The following TRDN variants were observed in gnomAD, a reference collection of about 807,000 sequenced individuals.
The protein encoded by TRDN is triadin in skeletal muscle.
A neutral mutation model predicts 149.7 loss-of-function variants in TRDN; 161 were observed. The observed-to-expected ratio is 1.08, with a 90% CI of 0.95 to 1.23. The LOEUF (loss-of-function observed/expected upper bound fraction) is 1.23. Among genes scored for constraint, TRDN ranks in the 50% most tolerant of loss-of-function variants. The probability of loss-of-function intolerance (pLI) is 0.00; values close to 1 mark genes in which losing one functional copy is unlikely to be tolerated. For missense variants in TRDN, 896 were observed against 823.5 expected, an observed-to-expected ratio of 1.09 and a Z score of -1.08; for synonymous variants, 294 against 250.5, an observed-to-expected ratio of 1.17 and a Z score of -1.64.
chr6:123,376,139 A>T (rs969401002), intron 18 of TRDN, among the ~76,000 whole-genome samples: 1 of 152,184 alleles, frequency 6.6e-6, no homozygotes, highest in Non-Finnish European at 1.5e-5. Flanking sequence ...AATATTAGAC[A>T]GTAATATTTA....
chr6:123,584,506 AGTT>A (rs1199561319), intron 1 of TRDN, among the ~76,000 whole-genome samples: 1 of 151,932 alleles, frequency 6.6e-6, no homozygotes, highest in Non-Finnish European at 1.5e-5. Context: ...GAAGGAAAGG[AGTT>A]GTTGTTTTGT....
chr6:123,448,899 C>T (rs1447125219), intron 10 of TRDN, among the ~76,000 whole-genome samples: 1 of 152,180 alleles, frequency 6.6e-6, no homozygotes, highest in Non-Finnish European at 1.5e-5. Context: ...TAACAGGACT[C>T]TGTGCAGACA....
intron 10 of TRDN, among the ~76,000 whole-genome samples, chr6:123,459,459 G>A (rs1776324836): frequency 6.6e-6 from 1 of 152,180 alleles, no homozygotes; most frequent in Non-Finnish European, 1.5e-5. Flanking sequence ...ACCTTCAGAT[G>A]TTCTGATTGG....
At chr6:123,389,381 A>G (rs946855817) in intron 13 of TRDN, 5 of 152,182 alleles carry the variant, frequency 3.3e-5, no homozygotes, top group African/African-American at 9.6e-5. Flanking sequence ...GCGGGATAGA[A>G]TGTTGGGGAT....
At chr6:123,493,000 T>C (rs542924038) in intron 9 of TRDN, among the ~76,000 whole-genome samples, 3 of 152,248 alleles carry the variant, frequency 2.0e-5, no homozygotes, top group East Asian at 3.9e-4. Flanking sequence ...ACACATCCTG[T>C]ATAACGCTGA....
intron 2 of TRDN, among the ~76,000 whole-genome samples, chr6:123,556,985 A>G (rs1043243676): frequency 6.6e-6 from 1 of 152,014 alleles, no homozygotes; most frequent in Non-Finnish European, 1.5e-5. Context: ...AACTGATGAC[A>G]TTACCTTGTG....
At chr6:123,479,349 G>A (rs1777642439) in intron 9 of TRDN, among the ~76,000 whole-genome samples, 1 of 152,114 alleles carries the variant, frequency 6.6e-6, no homozygotes, top group South Asian at 2.1e-4. Flanking sequence ...GTGGGAAAAA[G>A]TGAACTAAAG....
At chr6:123,322,344 A>G (rs1779271202) in intron 23 of TRDN, among the ~76,000 whole-genome samples, 1 of 152,098 alleles carries the variant, frequency 6.6e-6, no homozygotes, top group Non-Finnish European at 1.5e-5. Context: ...TTTGAAATTT[A>G]TTTCCTTTTT....
At chr6:123,482,075 T>A (rs567896030) in intron 9 of TRDN, among the ~76,000 whole-genome samples, 2 of 152,350 alleles carry the variant, frequency 1.3e-5, no homozygotes, top group South Asian at 2.1e-4. Context: ...GGAAAATGTC[T>A]TTCGTTTTTT....
At chr6:123,626,193 C>T (rs892513072) in intron 1 of TRDN, among the ~76,000 whole-genome samples, 2 of 151,964 alleles carry the variant, frequency 1.3e-5, no homozygotes, top group Non-Finnish European at 2.9e-5. Flanking sequence ...ATAGAAAGCA[C>T]CTCCTAGGCC....
At chr6:123,436,206 C>G (rs1020963083) in intron 12 of TRDN, among the ~76,000 whole-genome samples, 1 of 152,252 alleles carries the variant, frequency 6.6e-6, no homozygotes, top group East Asian at 1.9e-4. Context: ...TTTCACAAAT[C>G]CACTGCTCTA....
intron 7 of TRDN, among the ~76,000 whole-genome samples, chr6:123,510,645 T>G (rs1779129219): frequency 2.0e-4 from 1 of 5,086 alleles, no homozygotes; most frequent in Admixed American, 3.7e-3. Context: ...ATGACCACTT[T>G]TTTTTTTTTT....
chr6:123,479,196 C>G lies in TRDN; in HGVS notation c.854-14213G>C, dbSNP rs376611225. 3.4e-4 allele frequency among the ~76,000 whole-genome samples: 52 copies of G among 152,204 alleles called. No homozygotes were observed. The East Asian group carries it at 7.1e-3, about 21-fold the overall frequency. On this transcript the variant is annotated intron_variant, in intron 9 of 40. Coordinates refer to ENST00000334268, the MANE Select transcript of TRDN (RefSeq NM_006073.4). ...ATAGTACCAAAGATATACAACAAAA[C>G]TTTAACTTATATATTTGTGGTTTTT...
intron 9 of TRDN, chr6:123,471,082 G>T (rs1777124971): frequency 6.6e-6 from 1 of 152,316 alleles, no homozygotes; most frequent in Admixed American, 6.5e-5. Flanking sequence ...GACTTTCGGA[G>T]TAATGGGTAG....
chr6:123,425,205 G>A (rs1012542166), intron 12 of TRDN, among the ~76,000 whole-genome samples: 1 of 150,734 alleles, frequency 6.6e-6, no homozygotes, highest in Non-Finnish European at 1.5e-5. Flanking sequence ...GGAAAATACT[G>A]AGCATAGAGC....
intron 9 of TRDN, among the ~76,000 whole-genome samples, chr6:123,467,055 A>T (rs1299490005): frequency 6.6e-6 from 1 of 152,066 alleles, no homozygotes; most frequent in Non-Finnish European, 1.5e-5. Context: ...ATTTAAAACA[A>T]CTTTATTGCA....
intron 8 of TRDN, among the ~76,000 whole-genome samples, chr6:123,501,472 T>TA (rs1206764498): frequency 5.9e-5 from 9 of 151,798 alleles, no homozygotes; most frequent in East Asian, 3.9e-4. Context: ...CCTCAGAAAT[T>TA]AAAAAAAACT....
chr6:123,525,879 GA>G (rs1293489015), intron 5 of TRDN, among the ~76,000 whole-genome samples: 1 of 152,122 alleles, frequency 6.6e-6, no homozygotes, highest in African/African-American at 2.4e-5. Context: ...AAAGACAGTG[GA>G]ATAGGCCAAA....
chr6:123,287,623 CT>C (rs1196124199), intron 24 of TRDN, among the ~76,000 whole-genome samples: 1 of 152,078 alleles, frequency 6.6e-6, no homozygotes, highest in Non-Finnish European at 1.5e-5. Flanking sequence ...TTTCAGTCTA[CT>C]GAGACATCAA....
Sources: gnomAD v4.1 joint callset for allele counts (sites outside exome capture counted in the v4.1 genomes callset) on GRCh38, gnomAD v4.1.1 for gene constraint, MANE v1.5 for transcripts, NCBI Gene and HGNC (gene_info 2026-07-23, HGNC 2026-07-21) for gene names.